C2orf78: variants seen among roughly 807,000 people sequenced by gnomAD.
C2orf78 encodes the protein chromosome 2 open reading frame 78, also known as uncharacterized protein C2orf78.
A neutral mutation model predicts 21.4 loss-of-function variants in C2orf78; 12 were observed. The observed-to-expected ratio is 0.56, with a 90% CI of 0.36 to 0.91. The LOEUF is 0.91. Ranked by LOEUF, C2orf78 falls within the 40% of genes least tolerant of loss-of-function variation. The pLI is 0.01. For synonymous variants in C2orf78, 396 were observed against 413.9 expected, an observed-to-expected ratio of 0.96 and a Z score of 0.52; for missense variants, 1,042 against 1,092.4, an observed-to-expected ratio of 0.95 and a Z score of 0.65.
In C2orf78 at chr2:73,816,078, C is replaced by T. The variant is rs748976172; in HGVS notation, c.1855C>T (p.Leu619Phe). ...TCAACCTGAGCTTAGCCAAAAGACC[C>T]TTAAAAAGCCCCGAAGCTCCCTAGG... The change falls in exon 3 of 3, where the codon CTT becomes TTT. Residue 619 changes from leucine (L) to phenylalanine (F), a missense_variant. By Grantham distance (22) the Leu-to-Phe change is conservative. Coordinates refer to ENST00000409561, the Ensembl canonical transcript of C2orf78. 22 of 1,613,670 alleles carry T rather than the reference C, an allele frequency of 1.4e-5. No homozygotes were observed. The East Asian group carries it at 4.9e-4, about 36-fold the overall frequency.
chr2:73,808,343 T>TA (rs1558540150), intron 1 of C2orf78, among the ~76,000 whole-genome samples: 1 of 151,214 alleles, frequency 6.6e-6, no homozygotes, highest in African/African-American at 2.5e-5. Context: ...TTGCTCAACT[T>TA]AGACATCCCC....
At chr2:73,810,035 A>G (rs1390715409) in intron 1 of C2orf78, among the ~76,000 whole-genome samples, 1 of 152,216 alleles carries the variant, frequency 6.6e-6, no homozygotes. Context: ...CAAAAGGACA[A>G]CAGAGTGAAA....
intron 1 of C2orf78, among the ~76,000 whole-genome samples, chr2:73,809,732 C>G (rs1395110324): frequency 6.6e-6 from 1 of 152,150 alleles, no homozygotes; most frequent in Non-Finnish European, 1.5e-5. Flanking sequence ...TGCAGTGAGT[C>G]AGGTTCACAC....
rs529205868 is a variant in C2orf78 at position 73,809,109 on chromosome 2, C to G, written c.98-4368C>G. 4.6e-5 allele frequency among the ~76,000 whole-genome samples: 7 copies of G among 152,286 alleles called. No individual in the cohort carries two copies. The South Asian group carries it at 1.5e-3, about 32-fold the overall frequency. ...TATTCTCTCACAAAATCTGTTTCCT[C>G]ATCTATTACACTAGGATAATAGACT... On this transcript the variant is annotated intron_variant, in intron 1 of 2. Coordinates refer to ENST00000409561, the Ensembl canonical transcript of C2orf78.
At chr2:73,808,406 G>C (rs1236925031) in intron 1 of C2orf78, among the ~76,000 whole-genome samples, 17 of 151,060 alleles carry the variant, frequency 1.1e-4, no homozygotes, top group Admixed American at 3.9e-4. Flanking sequence ...TAAATGCATA[G>C]TATTATATAA....
intron 1 of C2orf78, among the ~76,000 whole-genome samples, chr2:73,811,750 C>T (rs544394177): frequency 4.0e-5 from 6 of 151,880 alleles, no homozygotes; most frequent in East Asian, 1.9e-4. Context: ...TTTTCCTGGA[C>T]GTTGGAGATG....
exon 2 of C2orf78, chr2:73,813,614 T>C: frequency 6.2e-7 from 1 of 1,614,046 alleles, no homozygotes; most frequent in Non-Finnish European, 8.5e-7. Flanking sequence ...CAGCTCAGCA[T>C]GGCTACAGCC....
chr2:73,813,835 G>C (rs369173742), exon 2 of C2orf78: 67 of 1,613,824 alleles, frequency 4.2e-5, no homozygotes, highest in Non-Finnish European at 5.5e-5. Context: ...TCATTGATCA[G>C]AACACAGCTG....
intron 1 of C2orf78, among the ~76,000 whole-genome samples, chr2:73,812,919 C>A (rs943255606): frequency 3.3e-5 from 5 of 152,064 alleles, no homozygotes; most frequent in African/African-American, 1.2e-4. Context: ...AATAGCTGTA[C>A]TATATTCTAG....
exon 3 of C2orf78, chr2:73,816,210 C>A (rs200783727): frequency 1.2e-6 from 2 of 1,613,886 alleles, no homozygotes; most frequent in South Asian, 1.1e-5. Flanking sequence ...AAGCAACACC[C>A]AAAACCGCCA....
At chr2:73,815,358 C>G (rs761449922) in exon 3 of C2orf78, 2 of 1,613,826 alleles carry the variant, frequency 1.2e-6, no homozygotes, top group Admixed American at 1.7e-5. Context: ...CCACCAGATC[C>G]TAATAGGAAA....
At position 73,816,696 on chromosome 2, in the gene C2orf78, C is replaced by CG; in HGVS notation, c.2476dup (p.Glu826GlyfsTer39). On this transcript the variant is annotated frameshift_variant, in exon 3 of 3. Transcript: ENST00000409561. LOFTEE classifies it low-confidence loss of function (END_TRUNC). ...AACATCATCTTGTTCTTCTCTGCAGCGGGAGCCTGTTTCCACTGCTGTGAC... is the reference window on the plus strand; with the variant it reads ...AACATCATCTTGTTCTTCTCTGCAGCGGGGAGCCTGTTTCCACTGCTGTGAC... The CG allele has an allele frequency of 6.2e-7, 1 of 1,613,968 alleles. No homozygotes were observed. Among genetic ancestry groups the CG allele is most frequent in the Non-Finnish European group, 8.5e-7 (1 of 1,179,886 alleles).
intron 1 of C2orf78, among the ~76,000 whole-genome samples, chr2:73,811,997 A>G (rs571789530): frequency 6.6e-6 from 1 of 152,166 alleles, no homozygotes; most frequent in South Asian, 2.1e-4. Context: ...TATTATGGCT[A>G]TTTTACATTC....
chr2:73,807,799 G>C (rs1672985466), intron 1 of C2orf78, among the ~76,000 whole-genome samples: 1 of 144,482 alleles, frequency 6.9e-6, no homozygotes, highest in Non-Finnish European at 1.5e-5. Flanking sequence ...GCAGAAGAGA[G>C]ATCCAAGTCC....
intron 2 of C2orf78, among the ~76,000 whole-genome samples, 164 bp from the exon 3 acceptor site, chr2:73,814,907 A>G (rs975312348): frequency 2.8e-4 from 42 of 152,248 alleles, no homozygotes; most frequent in Admixed American, 9.8e-4. Flanking sequence ...CCAGTAAGAG[A>G]ACAGTCACTG....
exon 2 of C2orf78, chr2:73,813,866 G>A (rs1430824281): frequency 1.2e-6 from 2 of 1,613,916 alleles, no homozygotes; most frequent in South Asian, 2.2e-5. Flanking sequence ...GTCTATGACA[G>A]CCCAGTATTA....
exon 2 of C2orf78, chr2:73,813,860 A>G (rs768334012): frequency 1.2e-6 from 2 of 1,613,950 alleles, no homozygotes; most frequent in Non-Finnish European, 1.7e-6. Flanking sequence ...TTCCATGTCT[A>G]TGACAGCCCA....
intron 1 of C2orf78, among the ~76,000 whole-genome samples, chr2:73,809,803 C>A (rs1173547056): frequency 6.6e-6 from 1 of 151,966 alleles, no homozygotes; most frequent in Non-Finnish European, 1.5e-5. Flanking sequence ...AATAAACAAA[C>A]AAAAGTAATA....
At chr2:73,814,922 T>A (rs1312169176) in intron 2 of C2orf78, 149 bp from the exon 3 acceptor site, 2 of 654,354 alleles carry the variant, frequency 3.1e-6, no homozygotes, top group East Asian at 2.7e-5. Flanking sequence ...TCACTGCCAA[T>A]CTCCTAATAC....
Sources: gnomAD v4.1 joint callset for allele counts (sites outside exome capture counted in the v4.1 genomes callset) on GRCh38, gnomAD v4.1.1 for gene constraint, MANE v1.5 for transcripts, NCBI Gene and HGNC (gene_info 2026-07-23, HGNC 2026-07-21) for gene names.